Variants in TCERG1L observed in about 807,000 individuals in gnomAD.
TCERG1L encodes the protein transcription elongation regulator 1 like.
In TCERG1L, 37 loss-of-function variants were observed where a neutral mutation model predicts 56.3. The observed-to-expected ratio is 0.66, with a 90% CI of 0.51 to 0.87. The LOEUF (loss-of-function observed/expected upper bound fraction) is 0.87. Ranked by LOEUF, TCERG1L falls within the 40% of genes least tolerant of loss-of-function variation. TCERG1L has a pLI of 0.00. For synonymous variants in TCERG1L, 324 were observed against 326.3 expected (o/e 0.99, Z 0.08); for missense variants, 799 against 774.2 (o/e 1.03, Z -0.38).
chr10:131,136,452 G>A (rs910566861), intron 7 of TCERG1L, among the ~76,000 whole-genome samples: 8 of 151,884 alleles, frequency 5.3e-5, no homozygotes, highest in East Asian at 2.0e-4. Context: ...GGCCACCTCC[G>A]TGGCTGCTGC....
intron 3 of TCERG1L, among the ~76,000 whole-genome samples, chr10:131,306,387 T>C (rs1474573833): frequency 1.3e-5 from 2 of 151,720 alleles, no homozygotes; most frequent in African/African-American, 4.8e-5. Context: ...TAATTAAAAT[T>C]GTAGGTGTTA....
chr10:131,110,536 C>G (rs1212575683), intron 9 of TCERG1L, among the ~76,000 whole-genome samples: 2 of 152,208 alleles, frequency 1.3e-5, no homozygotes, highest in Non-Finnish European at 2.9e-5. Context: ...GGAAGAGACC[C>G]CAAAGCACGG....
chr10:131,093,920 G>A (rs1283394588), intron 11 of TCERG1L, among the ~76,000 whole-genome samples: 1 of 152,152 alleles, frequency 6.6e-6, no homozygotes, highest in Non-Finnish European at 1.5e-5. Flanking sequence ...GACATTATCT[G>A]CTTCGTTCTC....
chr10:131,225,298 G>A (rs982084594), intron 4 of TCERG1L, among the ~76,000 whole-genome samples: 3 of 152,282 alleles, frequency 2.0e-5, no homozygotes, highest in East Asian at 1.9e-4. Flanking sequence ...GAGAAGAGAC[G>A]CACAGCCCTG....
At chr10:131,149,315 C>CTGCTCCAGGTAGCAGACTTCAGGT (rs57277107) in intron 6 of TCERG1L, among the ~76,000 whole-genome samples, 1 of 152,074 alleles carries the variant, frequency 6.6e-6, no homozygotes, top group South Asian at 2.1e-4. Flanking sequence ...GCAGACTCCA[C>CTGCTCCAGGTAGCAGACTTCAGGT]ACCCAGGTAG....
intron 3 of TCERG1L, among the ~76,000 whole-genome samples, chr10:131,272,308 G>A (rs1316412831): frequency 3.9e-5 from 6 of 152,246 alleles, no homozygotes; most frequent in South Asian, 2.1e-4. Flanking sequence ...TTCAGGACAC[G>A]TGCGTTTGAA....
chr10:131,183,435 C>T (rs2118638), intron 4 of TCERG1L, among the ~76,000 whole-genome samples: 86,420 of 151,950 alleles, frequency 0.57, 25,006 homozygotes, highest in East Asian at 0.66. Context: ...ATCAAATGGG[C>T]CAGCCTTTGT....
intron 4 of TCERG1L, among the ~76,000 whole-genome samples, chr10:131,172,281 G>A (rs769220258): frequency 4.0e-5 from 6 of 151,518 alleles, no homozygotes; most frequent in South Asian, 4.2e-4. Context: ...AGGGGAACCC[G>A]GGGAAGTGAA....
At position 131,099,418 on chromosome 10, in the gene TCERG1L, G is replaced by A. The variant is rs115174309; in HGVS notation, c.1486-994C>T. On this transcript the variant is annotated intron_variant, in intron 10 of 11. Coordinates refer to ENST00000368642, the MANE Select transcript of TCERG1L (RefSeq NM_174937.4). ...CTAATGCTACCCCAAACTCAAGAAC[G>A]TTAAAAATAAACTGAAGATAAGTGT... is the stretch of plus-strand genomic sequence containing the variant. 5.6e-3 allele frequency among the ~76,000 whole-genome samples: 852 copies of A among 152,304 alleles called. 6 individuals are homozygous for A. Among genetic ancestry groups the A allele is most frequent in the African/African-American group, 0.019 (791 of 41,574 alleles).
At chr10:131,236,866 T>A (rs752792886) in intron 4 of TCERG1L, among the ~76,000 whole-genome samples, 1 of 151,986 alleles carries the variant, frequency 6.6e-6, no homozygotes. Context: ...GAATGGACCA[T>A]CCACTGTCCC....
At chr10:131,281,674 T>G (rs4751354) in intron 3 of TCERG1L, among the ~76,000 whole-genome samples, 128,050 of 152,050 alleles carry the variant, frequency 0.84, 54,792 homozygotes, top group East Asian at 0.92. Context: ...TCCCCCTGGC[T>G]ACTCTCCCGA....
chr10:131,269,543 A>G (rs1361202452), intron 3 of TCERG1L, among the ~76,000 whole-genome samples: 1 of 152,116 alleles, frequency 6.6e-6, no homozygotes, highest in Admixed American at 6.5e-5. Context: ...GCCCAAGGAG[A>G]GGGAGAAGGA....
Position 131,256,889 on chromosome 10 carries a change from AAAAG to A in TCERG1L, c.856+3366_856+3369del, listed in dbSNP as rs1368155250. 5.3e-5 allele frequency among the ~76,000 whole-genome samples: 8 copies of A among 150,552 alleles called. No homozygotes were observed. In the East Asian group the frequency reaches 7.9e-4, roughly 15 times the overall value. Reference sequence around the variant, plus strand: ...GACAGATCGAGACTCCATCTCAAGAAAAAGAAAGAGAGAAAGACAAAGAAGGAAG... The same window carrying A: ...GACAGATCGAGACTCCATCTCAAGAAAAAGAGAGAAAGACAAAGAAGGAAG... On this transcript the variant is annotated intron_variant, in intron 4 of 11. Transcript: ENST00000368642.
intron 4 of TCERG1L, among the ~76,000 whole-genome samples, chr10:131,251,818 A>G (rs550989829): frequency 6.6e-6 from 1 of 152,336 alleles, no homozygotes; most frequent in East Asian, 1.9e-4. Flanking sequence ...ATCTTGAAGT[A>G]TACAGTTCAG....
At chr10:131,220,391 C>CAGGACTGA (rs1034672051) in intron 4 of TCERG1L, among the ~76,000 whole-genome samples, 1 of 152,192 alleles carries the variant, frequency 6.6e-6, no homozygotes, top group Non-Finnish European at 1.5e-5. Context: ...CTGCAGGACG[C>CAGGACTGA]AGGACTGACC....
At chr10:131,151,556 C>T (rs979540273) in intron 6 of TCERG1L, among the ~76,000 whole-genome samples, 5 of 152,174 alleles carry the variant, frequency 3.3e-5, no homozygotes, top group Non-Finnish European at 7.3e-5. Flanking sequence ...AGGGTACAGT[C>T]CCCTTCCTGG....
chr10:131,269,421 A>C (rs1348451402), intron 3 of TCERG1L, among the ~76,000 whole-genome samples: 1 of 152,126 alleles, frequency 6.6e-6, no homozygotes, highest in Non-Finnish European at 1.5e-5. Context: ...TCCTGACCTC[A>C]AGTGATCTGC....
At chr10:131,127,821 G>A (rs1380128305) in intron 8 of TCERG1L, among the ~76,000 whole-genome samples, 2 of 152,080 alleles carry the variant, frequency 1.3e-5, no homozygotes, top group Non-Finnish European at 2.9e-5. Context: ...CGGGGCCACT[G>A]CTCTTGTCAC....
At chr10:131,252,384 C>G (rs77553340) in intron 4 of TCERG1L, among the ~76,000 whole-genome samples, 273 of 152,290 alleles carry the variant, frequency 1.8e-3, no homozygotes, top group African/African-American at 6.0e-3. Flanking sequence ...CACATGGTCT[C>G]TAGAGTTTAA....
Sources: allele counts gnomAD v4.1 joint callset (sites outside exome capture counted in the v4.1 genomes callset), GRCh38; gene constraint gnomAD v4.1.1; transcripts MANE v1.5; gene names NCBI Gene and HGNC (gene_info 2026-07-23, HGNC 2026-07-21).